POC1B: variants seen among roughly 807,000 people sequenced by gnomAD.
The protein encoded by POC1B is POC1 centriolar protein homolog B.
A neutral mutation model predicts 60.6 loss-of-function variants in POC1B; 44 were observed. The observed-to-expected ratio is 0.73, with a 90% confidence interval of 0.57 to 0.93. The LOEUF is 0.93. Ranked by LOEUF, POC1B falls within the 40% of genes least tolerant of loss-of-function variation. The probability of loss-of-function intolerance (pLI) is 0.00; values close to 1 mark genes in which losing one functional copy is unlikely to be tolerated. For synonymous variants in POC1B, 180 were observed against 198.9 expected, an observed-to-expected ratio of 0.90 and a Z score of 0.80; for missense variants, 555 against 572.3, an observed-to-expected ratio of 0.97 and a Z score of 0.31.
chr12:89,467,062 C>A, intron 8 of POC1B, 140 bp from the exon 9 acceptor site: 1 of 581,478 alleles, frequency 1.7e-6, no homozygotes, highest in Non-Finnish European at 2.7e-6. Context: ...TACTATTTCT[C>A]AATATCTTTT....
At chr12:89,519,096 C>T (rs911796864) in intron 2 of POC1B, among the ~76,000 whole-genome samples, 1 of 151,936 alleles carries the variant, frequency 6.6e-6, no homozygotes, top group Non-Finnish European at 1.5e-5. Flanking sequence ...TGTTTTCCAC[C>T]CAGGGTAGTG....
At chr12:89,502,402 G>A (rs2135748590) in intron 2 of POC1B, 2 of 1,515,860 alleles carry the variant, frequency 1.3e-6, no homozygotes, top group Non-Finnish European at 1.8e-6. Flanking sequence ...GCCATCAGGA[G>A]GATTCGTGAT....
intron 3 of POC1B, 41 bp from the exon 4 acceptor site, chr12:89,492,156 A>C: frequency 7.3e-7 from 1 of 1,363,948 alleles, no homozygotes; most frequent in Non-Finnish European, 9.8e-7. Flanking sequence ...CATTTGATTT[A>C]ATTATAGTTA....
the POC1B span, among the ~76,000 whole-genome samples, chr12:89,408,680 G>C: frequency 2.0e-5 from 3 of 152,002 alleles, no homozygotes; most frequent in African/African-American, 7.2e-5. Context: ...GTAGAGACGG[G>C]GTTTCACCAT....
chr12:89,524,471 G>A, intron 2 of POC1B: 1 of 1,613,616 alleles, frequency 6.2e-7, no homozygotes, highest in South Asian at 1.1e-5. Context: ...GAGACCAAGA[G>A]CTCCACGAAG....
rs557722211 is a variant in POC1B at position 89,524,958 on chromosome 12, C to T, written c.100+162G>A. On this transcript the variant is annotated intron_variant, in intron 2 of 11. Coordinates refer to ENST00000313546, the MANE Select transcript of POC1B (RefSeq NM_172240.3). ...CTGGGGGCCGGGATGGCAGAGGGGG[C>T]CCTAGCTGCGCCCCGCCGCGCTGGG... Among the ~76,000 whole-genome samples the T allele has an allele frequency of 2.0e-5, 3 of 152,308 alleles. No individual in the cohort carries two copies. In the South Asian group the frequency reaches 6.2e-4, roughly 32 times the overall value.
intron 4 of POC1B, among the ~76,000 whole-genome samples, chr12:89,480,835 T>C (rs1019022897): frequency 1.3e-5 from 2 of 152,110 alleles, no homozygotes; most frequent in South Asian, 4.1e-4. Flanking sequence ...CTCCTGACCT[T>C]GTGATCTGCC....
At position 89,502,799 on chromosome 12, in the gene POC1B, G is replaced by A; in HGVS notation, c.101-5457C>T. The A allele has an allele frequency of 3.0e-6, 4 of 1,311,650 alleles. No individual in the cohort carries two copies. The African/African-American group carries it at 4.4e-5, about 14-fold the overall frequency. 81.3% of individuals were successfully genotyped at this position (1,311,650 alleles called of 1,614,324 possible). Reference sequence around the variant, plus strand: ...TATATTGTTTTTTTATGTTAACTTTGGTGACCTTTCGTGTACTTTACACGA... The same window carrying A: ...TATATTGTTTTTTTATGTTAACTTTAGTGACCTTTCGTGTACTTTACACGA... On this transcript the variant is annotated intron_variant, in intron 2 of 11. Coordinates refer to ENST00000313546, the MANE Select transcript of POC1B (RefSeq NM_172240.3).
chr12:89,451,600 C>A (rs1356363573), intron 10 of POC1B, among the ~76,000 whole-genome samples: 1 of 152,112 alleles, frequency 6.6e-6, no homozygotes, highest in Non-Finnish European at 1.5e-5. Context: ...AAGAACTAGG[C>A]CGGGACCAGC....
chr12:89,433,901 C>T (rs773450397), intron 10 of POC1B, among the ~76,000 whole-genome samples: 9 of 152,208 alleles, frequency 5.9e-5, no homozygotes, highest in African/African-American at 9.6e-5. Flanking sequence ...GAAAAAGGAA[C>T]TGCAGACTCA....
intron 1 of POC1B, chr12:89,525,440 TC>T: frequency 7.3e-7 from 1 of 1,373,912 alleles, no homozygotes; most frequent in Non-Finnish European, 9.3e-7. Flanking sequence ...TGTTCGCGCT[TC>T]CCAGAGTCCA....
chr12:89,486,548 G>GCC (rs1426756127), intron 4 of POC1B, among the ~76,000 whole-genome samples: 1 of 152,176 alleles, frequency 6.6e-6, no homozygotes. Context: ...GGAGGGCAGT[G>GCC]CACACACACG....
chr12:89,443,239 T>C (rs1186502402), intron 10 of POC1B, among the ~76,000 whole-genome samples: 1 of 152,238 alleles, frequency 6.6e-6, no homozygotes, highest in African/African-American at 2.4e-5. Context: ...AACTCAGCTC[T>C]GCACCAAGTG....
intron 2 of POC1B, among the ~76,000 whole-genome samples, chr12:89,514,398 A>ATTTTTTTTTT (rs1592641848): frequency 7.9e-5 from 3 of 37,862 alleles, no homozygotes; most frequent in Non-Finnish European, 1.1e-4. Context: ...AGTTTCATGT[A>ATTTTTTTTTT]TTTCTTTTTT....
chr12:89,460,813 TA>T (rs1383504937), intron 9 of POC1B: 2 of 152,168 alleles, frequency 1.3e-5, no homozygotes, highest in Non-Finnish European at 2.9e-5. Flanking sequence ...TATATAAAGT[TA>T]CAAAGAAAAG....
intron 10 of POC1B, chr12:89,426,124 G>A (rs923580610): frequency 2.6e-5 from 4 of 152,318 alleles, no homozygotes; most frequent in African/African-American, 4.8e-5. Context: ...TAAGTAAAAT[G>A]AGCCAGACAC....
At chr12:89,485,035 T>C (rs992359039) in intron 4 of POC1B, among the ~76,000 whole-genome samples, 43 of 152,230 alleles carry the variant, frequency 2.8e-4, no homozygotes, top group Admixed American at 2.8e-3. Context: ...GACTAAGGCA[T>C]GCAAATGTTC....
At chr12:89,523,899 G>C in intron 2 of POC1B, 1 of 1,588,442 alleles carries the variant, frequency 6.3e-7, no homozygotes, top group Non-Finnish European at 8.5e-7. Flanking sequence ...CCCCAGTGGC[G>C]AAAGTGGCCC....
intron 2 of POC1B, chr12:89,500,924 T>C: frequency 3.1e-6 from 3 of 980,150 alleles, no homozygotes; most frequent in Non-Finnish European, 4.7e-6. Context: ...AACGAAAAAG[T>C]GAATCCAGTC....
Sources: allele counts gnomAD v4.1 joint callset (sites outside exome capture counted in the v4.1 genomes callset), GRCh38; gene constraint gnomAD v4.1.1; transcripts MANE v1.5; gene names NCBI Gene and HGNC (gene_info 2026-07-23, HGNC 2026-07-21).